PELI2: variants seen among roughly 807,000 people sequenced by gnomAD.
PELI2 encodes the protein pellino E3 ubiquitin protein ligase family member 2, also known as E3 ubiquitin-protein ligase pellino homolog 2.
In PELI2, 23 loss-of-function variants were observed where a neutral mutation model predicts 42.3. That is an observed-to-expected ratio of 0.54 (90% confidence interval 0.39 to 0.77). The LOEUF (loss-of-function observed/expected upper bound fraction) is 0.77, where lower values mean the gene tolerates loss of function less well. PELI2 is among the 30% of genes least tolerant of loss of function. PELI2 has a pLI of 0.00. For missense variants in PELI2, 463 were observed against 553.2 expected (o/e 0.84, Z 1.64); for synonymous variants, 245 against 212.2 (o/e 1.15, Z -1.34).
rs142531049 is a variant in PELI2 at position 56,259,447 on chromosome 14, G to T, written c.208-20229G>T. Among the ~76,000 whole-genome samples, 8 of 152,194 alleles carry T rather than the reference G, an allele frequency of 5.3e-5. No homozygotes were observed. In the East Asian group the frequency reaches 1.4e-3, roughly 26 times the overall value. ...GCAGCATCAAGGACAAGAGAGAGGAGACCATAAGATTCTTGTATTGTTTAA... is the reference window on the plus strand; with the variant it reads ...GCAGCATCAAGGACAAGAGAGAGGATACCATAAGATTCTTGTATTGTTTAA... On this transcript the variant is annotated intron_variant, in intron 2 of 5. Coordinates refer to ENST00000267460, the MANE Select transcript of PELI2 (RefSeq NM_021255.3).
chr14:56,149,821 C>T (rs1884270690), intron 1 of PELI2, among the ~76,000 whole-genome samples: 2 of 152,148 alleles, frequency 1.3e-5, no homozygotes, highest in African/African-American at 2.4e-5. Context: ...GGGATTAATA[C>T]AAACATTTTG....
At chr14:56,285,439 A>G (rs1248998514) in intron 3 of PELI2, among the ~76,000 whole-genome samples, 3 of 152,194 alleles carry the variant, frequency 2.0e-5, no homozygotes, top group South Asian at 4.1e-4. Flanking sequence ...TATCAAACAT[A>G]CAAGTGGAGA....
chr14:56,240,326 T>G (rs911939888), intron 2 of PELI2, among the ~76,000 whole-genome samples: 1 of 151,918 alleles, frequency 6.6e-6, no homozygotes, highest in Non-Finnish European at 1.5e-5. Flanking sequence ...GGGGATGGAC[T>G]CCAGAGATGC....
chr14:56,144,727 G>T (rs1476279486), intron 1 of PELI2, among the ~76,000 whole-genome samples: 2 of 152,194 alleles, frequency 1.3e-5, no homozygotes, highest in African/African-American at 2.4e-5. Context: ...ATAAAATTTT[G>T]TAAAGACATG....
intron 2 of PELI2, among the ~76,000 whole-genome samples, chr14:56,267,073 A>G (rs1168269413): frequency 1.3e-5 from 2 of 152,082 alleles, no homozygotes; most frequent in Admixed American, 6.5e-5. Context: ...TTTCTTAGTG[A>G]TAGAAGATTG....
At chr14:56,277,401 C>G (rs935073148) in intron 2 of PELI2, among the ~76,000 whole-genome samples, 1 of 151,926 alleles carries the variant, frequency 6.6e-6, no homozygotes, top group Non-Finnish European at 1.5e-5. Flanking sequence ...GCCTGATGAT[C>G]TGTCAGTATC....
At chr14:56,277,407 G>A (rs897837524) in intron 2 of PELI2, among the ~76,000 whole-genome samples, 1 of 151,904 alleles carries the variant, frequency 6.6e-6, no homozygotes, top group African/African-American at 2.4e-5. Flanking sequence ...TGATCTGTCA[G>A]TATCTCCATC....
At chr14:56,147,315 G>A (rs574468065) in intron 1 of PELI2, among the ~76,000 whole-genome samples, 7 of 152,174 alleles carry the variant, frequency 4.6e-5, no homozygotes, top group Non-Finnish European at 1.0e-4. Flanking sequence ...TAGGTACTTA[G>A]TAGTGGAATT....
At chr14:56,205,300 C>A (rs1028463420) in intron 2 of PELI2, among the ~76,000 whole-genome samples, 9 of 152,022 alleles carry the variant, frequency 5.9e-5, no homozygotes, top group African/African-American at 2.2e-4. Context: ...AACAGAAGAT[C>A]AAAGAGTGAT....
At chr14:56,177,012 G>T (rs752463305) in intron 1 of PELI2, among the ~76,000 whole-genome samples, 1 of 152,220 alleles carries the variant, frequency 6.6e-6, no homozygotes, top group Non-Finnish European at 1.5e-5. Context: ...TAAGAAAATA[G>T]TGTACATGAT....
intron 2 of PELI2, among the ~76,000 whole-genome samples, chr14:56,233,746 T>C (rs1887676762): frequency 6.6e-6 from 1 of 152,050 alleles, no homozygotes; most frequent in African/African-American, 2.4e-5. Context: ...AAAGGCAAAA[T>C]TGACAAATGG....
chr14:56,261,917 G>T (rs762492727), intron 2 of PELI2, among the ~76,000 whole-genome samples: 1 of 152,056 alleles, frequency 6.6e-6, no homozygotes, highest in Non-Finnish European at 1.5e-5. Context: ...TAAATATATT[G>T]ACTGAAGATT....
intron 1 of PELI2, among the ~76,000 whole-genome samples, chr14:56,157,268 G>A (rs1884602400): frequency 6.6e-6 from 1 of 152,142 alleles, no homozygotes; most frequent in South Asian, 2.1e-4. Context: ...CTACTTTGCA[G>A]TTAGTAAGAA....
intron 3 of PELI2, among the ~76,000 whole-genome samples, chr14:56,287,267 C>T (rs565604038): frequency 1.3e-5 from 2 of 152,322 alleles, no homozygotes; most frequent in Admixed American, 6.5e-5. Flanking sequence ...AGGTTTACGC[C>T]TAAGTTTGAA....
At chr14:56,123,276 A>G (rs964834762) in intron 1 of PELI2, among the ~76,000 whole-genome samples, 1 of 152,084 alleles carries the variant, frequency 6.6e-6, no homozygotes, top group African/African-American at 2.4e-5. Context: ...TTTGGTGGCA[A>G]TAAGAAACCT....
chr14:56,133,778 T>C (rs1883582632), intron 1 of PELI2, among the ~76,000 whole-genome samples: 1 of 152,164 alleles, frequency 6.6e-6, no homozygotes, highest in Non-Finnish European at 1.5e-5. Context: ...CTAGTGAGCT[T>C]TCTGTGCCCT....
intron 1 of PELI2, among the ~76,000 whole-genome samples, chr14:56,139,263 A>T (rs1286458659): frequency 6.6e-6 from 1 of 152,160 alleles, no homozygotes. Context: ...ATGGGGGAGG[A>T]GAGAGACCTT....
intron 1 of PELI2, among the ~76,000 whole-genome samples, chr14:56,166,580 T>C (rs1285822950): frequency 1.3e-5 from 2 of 152,196 alleles, no homozygotes; most frequent in Admixed American, 6.5e-5. Context: ...TTCTCAGCTT[T>C]TGTTTGTCTG....
chr14:56,280,388 AG>A (rs1211670943), intron 3 of PELI2, among the ~76,000 whole-genome samples: 1 of 152,052 alleles, frequency 6.6e-6, no homozygotes, highest in Non-Finnish European at 1.5e-5. Flanking sequence ...AGCAGAAGGA[AG>A]GAAAAAAACA....
Sources: allele counts gnomAD v4.1 joint callset (sites outside exome capture counted in the v4.1 genomes callset), GRCh38; gene constraint gnomAD v4.1.1; transcripts MANE v1.5; gene names NCBI Gene and HGNC (gene_info 2026-07-23, HGNC 2026-07-21).